Variants in ANKRD18A observed in about 807,000 individuals in gnomAD.
ANKRD18A encodes the protein ankyrin repeat domain-containing protein 18A.
A neutral mutation model predicts 110.6 loss-of-function variants in ANKRD18A; 72 were observed. That is an observed-to-expected ratio of 0.65 (90% CI 0.54 to 0.79). The LOEUF (loss-of-function observed/expected upper bound fraction) is 0.79, where lower values mean the gene tolerates loss of function less well. Ranked by LOEUF, ANKRD18A falls within the 30% of genes least tolerant of loss-of-function variation. The pLI, the probability that ANKRD18A is intolerant of heterozygous loss-of-function variation, is 0.00. For synonymous variants in ANKRD18A, 305 were observed against 410.3 expected, an observed-to-expected ratio of 0.74 and a Z score of 3.10; for missense variants, 934 against 1,163.3, an observed-to-expected ratio of 0.80 and a Z score of 2.87.
At chr9:38,605,848 A>G (rs1362186859) in intron 6 of ANKRD18A, among the ~76,000 whole-genome samples, 1 of 152,138 alleles carries the variant, frequency 6.6e-6, no homozygotes, top group Non-Finnish European at 1.5e-5. Flanking sequence ...TCCTGACCTC[A>G]AGTGATCTGC....
rs73646216 is a variant in ANKRD18A at position 38,596,437 on chromosome 9, T to C, written c.937-34A>G. The C allele has an allele frequency of 1.1e-3, 1,501 of 1,378,102 alleles. 12 individuals are homozygous for C. In the African/African-American group the frequency reaches 0.019, roughly 17 times the overall value. 85.4% of individuals were successfully genotyped at this position (1,378,102 alleles called of 1,614,324 possible). On this transcript the variant is annotated intron_variant, in intron 8 of 15. Coordinates refer to ENST00000399703, the MANE Select transcript of ANKRD18A (RefSeq NM_147195.4). ...AACAAAACAAATTTTTAGTTAGCACTCAATAAAATAATCTATGATGGTTAT... is the reference window on the plus strand; with the variant it reads ...AACAAAACAAATTTTTAGTTAGCACCCAATAAAATAATCTATGATGGTTAT...
At chr9:38,600,749 T>C (rs563800582) in intron 8 of ANKRD18A, among the ~76,000 whole-genome samples, 3 of 152,196 alleles carry the variant, frequency 2.0e-5, no homozygotes, top group Non-Finnish European at 4.4e-5. Context: ...CCACCGGGAA[T>C]GATGACTCCT....
At chr9:38,599,349 C>G (rs905114476) in intron 8 of ANKRD18A, among the ~76,000 whole-genome samples, 2 of 152,234 alleles carry the variant, frequency 1.3e-5, no homozygotes, top group African/African-American at 4.8e-5. Context: ...TTACGGGGCA[C>G]TCCCTTTAAG....
At chr9:38,615,845 C>T (rs1825830985) in intron 2 of ANKRD18A, 78 bp from the exon 3 acceptor site, 1 of 1,529,306 alleles carries the variant, frequency 6.5e-7, no homozygotes, top group Admixed American at 2.2e-5. Context: ...CACCAACTAG[C>T]TATATTTAAA....
chr9:38,569,618 G>A (rs1823566137), downstream of ANKRD18A, among the ~76,000 whole-genome samples: 1 of 152,154 alleles, frequency 6.6e-6, no homozygotes, highest in Non-Finnish European at 1.5e-5. Context: ...TCTATCCCCT[G>A]AACTGACATG....
chr9:38,593,639 G>C, intron 10 of ANKRD18A, 121 bp downstream of exon 10: 1 of 1,040,114 alleles, frequency 9.6e-7, no homozygotes, highest in Non-Finnish European at 1.3e-6. Context: ...TAATAAAATG[G>C]TAATGATCAA....
intron 12 of ANKRD18A, 81 bp from the exon 13 acceptor site, chr9:38,578,229 T>C: frequency 7.7e-7 from 1 of 1,291,938 alleles, no homozygotes. Context: ...AATTTTGAAA[T>C]GCATTGACTT....
At chr9:38,580,434 CA>C (rs1292029347) in intron 12 of ANKRD18A, among the ~76,000 whole-genome samples, 1 of 152,062 alleles carries the variant, frequency 6.6e-6, no homozygotes, top group Non-Finnish European at 1.5e-5. Flanking sequence ...CTCTTAACAA[CA>C]AAAAAGCTCA....
At position 38,571,843 on chromosome 9, in the gene ANKRD18A, C is replaced by T; in HGVS notation, c.*202G>A. The T allele has an allele frequency of 7.9e-7, 1 of 1,271,170 alleles. No individual in the cohort carries two copies. The highest frequency in any genetic ancestry group is 1.0e-6 in the Non-Finnish European group (1 of 1,000,224). The allele number at this position is 1,271,170 out of a possible 1,614,324, so 78.7% of individuals were successfully genotyped here. ...ACATATAAATATACACCATATGTGA[C>T]ATGAAAATATTCTACTTTAGTAAAG... On this transcript the variant is annotated 3_prime_UTR_variant, in exon 16 of 16. Coordinates refer to ENST00000399703, the MANE Select transcript of ANKRD18A (RefSeq NM_147195.4).
intron 12 of ANKRD18A, among the ~76,000 whole-genome samples, chr9:38,584,641 C>A (rs1824297470): frequency 6.6e-6 from 1 of 151,996 alleles, no homozygotes; most frequent in African/African-American, 2.4e-5. Context: ...AGATCACTGG[C>A]CAGGGTTCAA....
intron 4 of ANKRD18A, among the ~76,000 whole-genome samples, chr9:38,611,002 T>G (rs1825597160): frequency 6.6e-6 from 1 of 152,084 alleles, no homozygotes; most frequent in Non-Finnish European, 1.5e-5. Flanking sequence ...CAAATAACAG[T>G]CTATAAGAGA....
chr9:38,610,183 T>A, intron 5 of ANKRD18A, 90 bp downstream of exon 5: 1 of 1,411,646 alleles, frequency 7.1e-7, no homozygotes, highest in Non-Finnish European at 9.2e-7. Flanking sequence ...AACCAAACTA[T>A]GAACTGTCAC....
chr9:38,583,527 T>C (rs1038444825), intron 12 of ANKRD18A, among the ~76,000 whole-genome samples: 4 of 152,036 alleles, frequency 2.6e-5, no homozygotes, highest in Non-Finnish European at 5.9e-5. Context: ...GTAGCTGGGA[T>C]TACAGGCACA....
At chr9:38,585,457 T>C (rs1451609427) in intron 12 of ANKRD18A, among the ~76,000 whole-genome samples, 1 of 152,168 alleles carries the variant, frequency 6.6e-6, no homozygotes, top group African/African-American at 2.4e-5. Flanking sequence ...CAACTCTGTC[T>C]GCTGGAAATG....
At chr9:38,615,549 A>G in intron 3 of ANKRD18A, 45 bp downstream of exon 3, 1 of 1,510,362 alleles carries the variant, frequency 6.6e-7, no homozygotes, top group South Asian at 1.3e-5. Flanking sequence ...TAACTATGTC[A>G]ATATTAAAAC....
At chr9:38,616,176 T>G (rs1825849522) in intron 1 of ANKRD18A, 132 bp from the exon 2 acceptor site, 3 of 656,930 alleles carry the variant, frequency 4.6e-6, no homozygotes, top group South Asian at 5.4e-5. Context: ...TTGAAGAAAG[T>G]ACAATATTTA....
chr9:38,610,329 A>C lies in ANKRD18A; in HGVS notation c.684T>G (p.Ser228=). Residue 228 remains serine, a synonymous_variant, in exon 5 of 16, where the codon TCT becomes TCG. Transcript: ENST00000399703. ...CGGCAGTTTGGCCAAACATGTCTTG[A>C]GAAGAGATACGTATATTTTGTTGAA... The part of the protein sequence containing the change: ...LLLQQNIRIS[S]QDMFGQTAED... 2 of 1,551,288 alleles carry C rather than the reference A, an allele frequency of 1.3e-6. No homozygotes were observed. The highest frequency in any genetic ancestry group is 1.7e-6 in the Non-Finnish European group (2 of 1,146,806).
intron 4 of ANKRD18A, among the ~76,000 whole-genome samples, chr9:38,610,901 A>G (rs1380007972): frequency 7.0e-6 from 1 of 142,832 alleles, no homozygotes; most frequent in Non-Finnish European, 1.5e-5. Context: ...GTAGTTGTAA[A>G]CTGAAAGTTA....
intron 13 of ANKRD18A, 71 bp downstream of exon 13, chr9:38,577,796 C>T (rs1454533134): frequency 5.4e-5 from 80 of 1,483,564 alleles, no homozygotes; most frequent in East Asian, 4.6e-4. Flanking sequence ...ATATACATAT[C>T]CAAAATATAG....
Sources: allele counts gnomAD v4.1 joint callset (sites outside exome capture counted in the v4.1 genomes callset), GRCh38; gene constraint gnomAD v4.1.1; transcripts MANE v1.5; gene names NCBI Gene and HGNC (gene_info 2026-07-23, HGNC 2026-07-21).